Variants in PALLD observed in about 807,000 individuals in gnomAD.
The protein encoded by PALLD is palladin, cytoskeletal associated protein.
In PALLD, 61 loss-of-function variants were observed where a neutral mutation model predicts 123.5. The ratio of observed to expected loss-of-function variants is 0.49; its 90% CI spans 0.40 to 0.61. The LOEUF is 0.61. PALLD is among the 20% of genes least tolerant of loss of function. PALLD has a pLI of 0.00. For synonymous variants in PALLD, 465 were observed against 496.4 expected (o/e 0.94, Z 0.84); for missense variants, 1,273 against 1,377.0 (o/e 0.92, Z 1.20).
Position 168,685,557 on chromosome 4 carries a change from A to G in PALLD, c.1333A>G (p.Lys445Glu), listed in dbSNP as rs752615214. The change falls in exon 6 of 22, where the codon AAG becomes GAG. Residue 445 changes from lysine (K) to glutamate (E), a missense_variant and splice_region_variant. Transcript: ENST00000505667. ...TGCCTACTTTCCTCCTGTTTTTACA[A>G]AGGTCTGACATCTGGAAGTCTCATT... ...TTAYFPPVFT[K>E]ELQNTAVAEG... 6.3e-7 allele frequency: 1 copy of G among 1,598,582 alleles called. No individual in the cohort carries two copies. The highest frequency in any genetic ancestry group is 1.3e-5 in the African/African-American group (1 of 74,560).
intron 10 of PALLD, among the ~76,000 whole-genome samples, chr4:168,736,107 T>G (rs1500799): frequency 0.55 from 83,808 of 152,136 alleles, 23,324 homozygotes; most frequent in African/African-American, 0.62. Flanking sequence ...TGCAAAGTCT[T>G]CCTGTGACCA....
chr4:168,907,526 G>A (rs943250926), intron 15 of PALLD, among the ~76,000 whole-genome samples: 104 of 152,106 alleles, frequency 6.8e-4, no homozygotes, highest in African/African-American at 2.4e-3. Flanking sequence ...GCTAGAGGAC[G>A]GCCACACCCA....
At chr4:168,830,269 C>A (rs550421064) in intron 10 of PALLD, among the ~76,000 whole-genome samples, 1 of 146,558 alleles carries the variant, frequency 6.8e-6, no homozygotes, top group Non-Finnish European at 1.5e-5. Context: ...AGGCTGAGTG[C>A]GGTGGTCACG....
intron 18 of PALLD, among the ~76,000 whole-genome samples, chr4:168,923,931 T>G (rs202118868): frequency 5.8e-5 from 1 of 17,386 alleles, no homozygotes; most frequent in Non-Finnish European, 2.5e-4. Context: ...ACATAATCAC[T>G]AGTAGTGAAG....
intron 10 of PALLD, among the ~76,000 whole-genome samples, chr4:168,758,103 A>G (rs1561488718): frequency 1.3e-5 from 2 of 152,134 alleles, no homozygotes; most frequent in African/African-American, 4.8e-5. Context: ...AATCATAGGG[A>G]CCATTTAAAA....
At chr4:168,614,649 T>C (rs1774047084) in intron 2 of PALLD, among the ~76,000 whole-genome samples, 1 of 152,240 alleles carries the variant, frequency 6.6e-6, no homozygotes, top group Non-Finnish European at 1.5e-5. Flanking sequence ...AACTTCCAGA[T>C]GTAGTTAGGT....
At chr4:168,573,966 C>A (rs1769268389) in intron 2 of PALLD, among the ~76,000 whole-genome samples, 1 of 151,474 alleles carries the variant, frequency 6.6e-6, no homozygotes, top group Non-Finnish European at 1.5e-5. Context: ...GGTTTATCCT[C>A]AGCTTGCCAG....
At chr4:168,747,581 G>A (rs1274824490) in intron 10 of PALLD, among the ~76,000 whole-genome samples, 1 of 152,184 alleles carries the variant, frequency 6.6e-6, no homozygotes, top group Non-Finnish European at 1.5e-5. Context: ...ACCATATGTA[G>A]AGAAGGCAGG....
intron 2 of PALLD, among the ~76,000 whole-genome samples, chr4:168,636,314 C>T (rs1020751467): frequency 2.6e-5 from 4 of 152,060 alleles, no homozygotes; most frequent in African/African-American, 9.7e-5. Flanking sequence ...ATAGTGAGAC[C>T]CCATCCCTGC....
rs115481700 is a variant in PALLD, at chr4:168,511,663, C to T, written c.159C>T (p.Ser53=). ...LDLARRAIAD[S]ETEDFDSEKE... is the part of the protein sequence containing the mutation. The stretch of plus-strand genomic sequence containing the variant: ...TGGCCCGGAGAGCCATAGCCGACTC[C>T]GAAACAGAAGATTTTGACTCGGAAA... The change falls in exon 2 of 22, where the codon TCC becomes TCT. Residue 53 remains serine, a synonymous_variant. Coordinates refer to ENST00000505667, the MANE Select transcript of PALLD (RefSeq NM_001166108.2). The T allele has an allele frequency of 8.7e-6, 14 of 1,614,120 alleles. No individual in the cohort carries two copies. The highest frequency in any genetic ancestry group is 2.2e-5 in the South Asian group (2 of 91,076).
intron 17 of PALLD, among the ~76,000 whole-genome samples, chr4:168,920,871 G>C (rs1264066530): frequency 6.6e-6 from 1 of 152,132 alleles, no homozygotes; most frequent in Non-Finnish European, 1.5e-5. Context: ...TGCCAGCTGA[G>C]TATTTGTTAT....
chr4:168,863,664 A>G (rs886660829), intron 10 of PALLD: 4 of 152,196 alleles, frequency 2.6e-5, no homozygotes, highest in African/African-American at 9.7e-5. Flanking sequence ...TCATTAACAT[A>G]TATCTTGAGT....
intron 10 of PALLD, among the ~76,000 whole-genome samples, chr4:168,772,935 G>A (rs2150508919): frequency 6.6e-6 from 1 of 152,218 alleles, no homozygotes; most frequent in African/African-American, 2.4e-5. Context: ...GGCTGCTCAT[G>A]CTTGCTCTCT....
chr4:168,801,529 C>T (rs1022218408), intron 10 of PALLD, among the ~76,000 whole-genome samples: 4 of 152,190 alleles, frequency 2.6e-5, no homozygotes, highest in South Asian at 2.1e-4. Context: ...CTGCCCGCCT[C>T]GGCCTCCCAA....
chr4:168,558,746 C>T (rs1199585540), intron 2 of PALLD, among the ~76,000 whole-genome samples: 1 of 152,146 alleles, frequency 6.6e-6, no homozygotes, highest in Admixed American at 6.5e-5. Context: ...ATTCTAACAT[C>T]CTGTTACATA....
At chr4:168,832,434 G>A (rs1483101959) in intron 10 of PALLD, among the ~76,000 whole-genome samples, 1 of 152,104 alleles carries the variant, frequency 6.6e-6, no homozygotes, top group Non-Finnish European at 1.5e-5. Flanking sequence ...GCCCAGACGG[G>A]AGAAGATGCT....
chr4:168,774,581 A>G (rs1271856961), intron 10 of PALLD, among the ~76,000 whole-genome samples: 3 of 152,064 alleles, frequency 2.0e-5, no homozygotes, highest in Non-Finnish European at 4.4e-5. Context: ...TACAAAAATT[A>G]GCCGAGTGTG....
intron 2 of PALLD, among the ~76,000 whole-genome samples, chr4:168,604,304 T>G (rs1202633605): frequency 6.6e-6 from 1 of 152,224 alleles, no homozygotes; most frequent in African/African-American, 2.4e-5. Flanking sequence ...ATATCCATTA[T>G]CTTTATGTTT....
chr4:168,714,759 G>A (rs1301007705), intron 10 of PALLD, among the ~76,000 whole-genome samples: 6 of 151,870 alleles, frequency 4.0e-5, no homozygotes, highest in South Asian at 2.1e-4. Context: ...TTCGGAGGGC[G>A]CAAGTAATAG....
Sources: allele counts gnomAD v4.1 joint callset (sites outside exome capture counted in the v4.1 genomes callset), GRCh38; gene constraint gnomAD v4.1.1; transcripts MANE v1.5; gene names NCBI Gene and HGNC (gene_info 2026-07-23, HGNC 2026-07-21).